Variants in RHBDD1 observed in about 807,000 individuals in gnomAD.
The protein encoded by RHBDD1 is rhomboid domain containing 1.
In RHBDD1, 38 loss-of-function variants were observed where a neutral mutation model predicts 36.3. That is an observed-to-expected ratio of 1.05 (90% CI 0.81 to 1.37). The LOEUF (loss-of-function observed/expected upper bound fraction) is 1.37, where lower values mean the gene tolerates loss of function less well. RHBDD1 is among the 40% of genes most tolerant of loss of function. RHBDD1 has a pLI of 0.00. For missense variants in RHBDD1, 393 were observed against 377.6 expected (o/e 1.04, Z -0.34); for synonymous variants, 151 against 136.5 (o/e 1.11, Z -0.74).
chr2:226,869,798 C>T (rs527788280), intron 5 of RHBDD1, among the ~76,000 whole-genome samples: 7 of 152,258 alleles, frequency 4.6e-5, no homozygotes, highest in Non-Finnish European at 1.0e-4. Context: ...GCTTCACATC[C>T]GGCTTTCCAT....
At chr2:226,930,905 A>T (rs79184849) in intron 8 of RHBDD1, among the ~76,000 whole-genome samples, 1 of 152,208 alleles carries the variant, frequency 6.6e-6, no homozygotes, top group Non-Finnish European at 1.5e-5. Flanking sequence ...ATCACTAATC[A>T]TCAGGGAAAT....
At chr2:226,898,390 A>G (rs1947308259) in intron 5 of RHBDD1, among the ~76,000 whole-genome samples, 1 of 152,184 alleles carries the variant, frequency 6.6e-6, no homozygotes, top group South Asian at 2.1e-4. Context: ...ACCTCAAGTA[A>G]ATGTCAGTGG....
chr2:226,852,920 T>C (rs1229945578), intron 3 of RHBDD1, among the ~76,000 whole-genome samples: 1 of 146,376 alleles, frequency 6.8e-6, no homozygotes, highest in Non-Finnish European at 1.5e-5. Flanking sequence ...ATTATTATTA[T>C]TATTATTATT....
chr2:226,902,093 C>A (rs1049688466), intron 5 of RHBDD1, among the ~76,000 whole-genome samples: 8 of 152,132 alleles, frequency 5.3e-5, no homozygotes, highest in African/African-American at 1.9e-4. Context: ...AGCCTAAGAC[C>A]TAGTAAGGTC....
At chr2:226,988,408 A>T (rs1957467590) in intron 8 of RHBDD1, 1 of 1,550,406 alleles carries the variant, frequency 6.4e-7, no homozygotes, top group African/African-American at 1.4e-5. Flanking sequence ...AAGGACCCAG[A>T]TGCCTGGGAA....
At chr2:226,939,540 G>A (rs755879457) in intron 8 of RHBDD1, among the ~76,000 whole-genome samples, 5 of 151,480 alleles carry the variant, frequency 3.3e-5, no homozygotes, top group South Asian at 2.1e-4. Flanking sequence ...TACAGATGCC[G>A]AGGAGTACAG....
upstream of RHBDD1, among the ~76,000 whole-genome samples, chr2:226,831,601 G>A (rs57132530): frequency 0.19 from 28,191 of 151,968 alleles, 4,243 homozygotes; most frequent in African/African-American, 0.42. Flanking sequence ...CTCTCTTCCA[G>A]GTTTCAGAGG....
At chr2:226,826,828 T>C in the RHBDD1 span, among the ~76,000 whole-genome samples, 42 of 152,198 alleles carry the variant, frequency 2.8e-4, no homozygotes, top group Admixed American at 8.5e-4. Context: ...CCTGATAGAT[T>C]CTTAATTGTA....
At chr2:226,926,235 A>T (rs1031411544) in intron 8 of RHBDD1, among the ~76,000 whole-genome samples, 17 of 152,210 alleles carry the variant, frequency 1.1e-4, no homozygotes, top group East Asian at 5.8e-4. Context: ...AAAAAAAAAA[A>T]AAAATAAGGG....
At chr2:226,833,356 T>C (rs918307360), upstream of RHBDD1, among the ~76,000 whole-genome samples, 1 of 152,236 alleles carries the variant, frequency 6.6e-6, no homozygotes, top group Non-Finnish European at 1.5e-5. Flanking sequence ...TGTCGTTGCA[T>C]GGTATTGTTG....
chr2:226,856,956 A>C (rs1160335299), intron 3 of RHBDD1, among the ~76,000 whole-genome samples: 3 of 152,114 alleles, frequency 2.0e-5, no homozygotes, highest in African/African-American at 7.2e-5. Flanking sequence ...TTCCCTTCCA[A>C]CATGTTATAT....
intron 8 of RHBDD1, among the ~76,000 whole-genome samples, chr2:226,989,977 A>G (rs1957813297): frequency 6.6e-6 from 1 of 152,242 alleles, no homozygotes; most frequent in South Asian, 2.1e-4. Context: ...TGAAGGATAG[A>G]AATGCGAATG....
intron 8 of RHBDD1, among the ~76,000 whole-genome samples, chr2:226,964,044 TC>T (rs1329917527): frequency 6.6e-6 from 1 of 152,142 alleles, no homozygotes; most frequent in East Asian, 1.9e-4. Context: ...CTTCAGCCTC[TC>T]AGTCTCTACT....
At chr2:226,922,429 G>A (rs530442196) in intron 8 of RHBDD1, among the ~76,000 whole-genome samples, 104 of 151,808 alleles carry the variant, frequency 6.9e-4, no homozygotes, top group African/African-American at 2.2e-3. Context: ...GGATGGTCTC[G>A]ATCTCCTGAC....
chr2:226,985,585 C>T lies in RHBDD1; in HGVS notation c.857-9846C>T, dbSNP rs1310933636. ...GATATGTTCAGTTGCAAGAAAAATC[C>T]GAGCTGTAGCTCAATGGTTCTCAAA... On this transcript the variant is annotated intron_variant, in intron 8 of 8. Coordinates refer to ENST00000392062, the MANE Select transcript of RHBDD1 (RefSeq NM_001167608.3). Among the ~76,000 whole-genome samples, 3 of 152,182 alleles carry T rather than the reference C, an allele frequency of 2.0e-5. No individual in the cohort carries two copies. In the East Asian group the frequency reaches 5.8e-4, roughly 29 times the overall value.
chr2:226,802,001 TC>T, the RHBDD1 span, among the ~76,000 whole-genome samples: 6 of 151,878 alleles, frequency 4.0e-5, no homozygotes, highest in Non-Finnish European at 8.8e-5. Flanking sequence ...AATGGCCCTG[TC>T]CCTACCTCCG....
chr2:226,990,829 G>A (rs1958023171), intron 8 of RHBDD1, among the ~76,000 whole-genome samples: 1 of 152,144 alleles, frequency 6.6e-6, no homozygotes, highest in Non-Finnish European at 1.5e-5. Flanking sequence ...GAGTAAAATT[G>A]AGGGCTGACC....
chr2:226,965,473 T>G (rs1482920559), intron 8 of RHBDD1, among the ~76,000 whole-genome samples: 4 of 152,208 alleles, frequency 2.6e-5, no homozygotes. Context: ...AGGAGTCCAT[T>G]GCAGTAATCC....
intron 8 of RHBDD1, among the ~76,000 whole-genome samples, chr2:226,940,831 A>G (rs1950616491): frequency 6.6e-6 from 1 of 152,166 alleles, no homozygotes; most frequent in African/African-American, 2.4e-5. Flanking sequence ...TACTATTGAC[A>G]GTGTCCTGCC....
Sources: gnomAD v4.1 joint callset for allele counts (sites outside exome capture counted in the v4.1 genomes callset) on GRCh38, gnomAD v4.1.1 for gene constraint, MANE v1.5 for transcripts, NCBI Gene and HGNC (gene_info 2026-07-23, HGNC 2026-07-21) for gene names.